Variants in WWOX observed in about 807,000 individuals in gnomAD.
WWOX encodes WW domain containing oxidoreductase, also known as WW domain-containing oxidoreductase.
A neutral mutation model predicts 46.2 loss-of-function variants in WWOX; 69 were observed. The observed-to-expected ratio is 1.49, with a 90% CI of 1.23 to 1.82. The LOEUF (loss-of-function observed/expected upper bound fraction) is 1.82. Among genes scored for constraint, WWOX ranks in the 40% most tolerant of loss-of-function variants. The pLI, the probability that WWOX is intolerant of heterozygous loss-of-function variation, is 0.00. For synonymous variants in WWOX, 359 were observed against 202.6 expected (o/e 1.77, Z -6.56); for missense variants, 919 against 542.6 (o/e 1.69, Z -6.89).
intron 8 of WWOX, among the ~76,000 whole-genome samples, chr16:78,996,686 CA>C (rs2046996616): frequency 6.6e-6 from 1 of 152,092 alleles, no homozygotes; most frequent in African/African-American, 2.4e-5. Context: ...GACAATATGG[CA>C]AATATGGCCA....
rs10598848 is a variant in WWOX at position 79,099,593 on chromosome 16, TGAGAGA to T, written c.1057-111994_1057-111989del. 7.5e-4 allele frequency among the ~76,000 whole-genome samples: 112 copies of T among 148,838 alleles called. 1 individual carries two copies. Among genetic ancestry groups the T allele is most frequent in the East Asian group, 3.7e-3 (19 of 5,072 alleles). ...GTGTGCGTGTGTGTGTGTGTGTTTG[TGAGAGA>T]GAGAGAGAGAGAGAGAGAGAAATCT... On this transcript the variant is annotated intron_variant, in intron 8 of 8. Transcript: ENST00000566780.
At chr16:78,921,463 T>C (rs1390621497) in intron 8 of WWOX, among the ~76,000 whole-genome samples, 2 of 152,174 alleles carry the variant, frequency 1.3e-5, no homozygotes, top group Admixed American at 6.6e-5. Context: ...TAACAACAGC[T>C]CTTAATATCC....
At chr16:79,070,514 G>C (rs149830845) in intron 8 of WWOX, among the ~76,000 whole-genome samples, 134 of 152,272 alleles carry the variant, frequency 8.8e-4, no homozygotes, top group African/African-American at 2.9e-3. Flanking sequence ...TGGAGCGTCT[G>C]CCTTCTATCA....
intron 8 of WWOX, among the ~76,000 whole-genome samples, chr16:78,675,516 A>G (rs1483197959): frequency 6.6e-6 from 1 of 152,174 alleles, no homozygotes; most frequent in Non-Finnish European, 1.5e-5. Context: ...CTAGTGACTC[A>G]TTTAACCATT....
intron 8 of WWOX, among the ~76,000 whole-genome samples, chr16:78,789,211 C>T (rs1392693195): frequency 6.6e-6 from 1 of 152,122 alleles, no homozygotes; most frequent in Admixed American, 6.5e-5. Flanking sequence ...AGAAGGGAAA[C>T]ATGGTTTCAG....
At chr16:78,472,108 G>T (rs16947624) in intron 8 of WWOX, among the ~76,000 whole-genome samples, 50,715 of 151,932 alleles carry the variant, frequency 0.33, 11,406 homozygotes, top group African/African-American at 0.65. Context: ...AGAGAGTTGA[G>T]GAAAGCTCAA....
chr16:78,564,990 A>G (rs978757914), intron 8 of WWOX, among the ~76,000 whole-genome samples: 8 of 152,212 alleles, frequency 5.3e-5, no homozygotes, highest in African/African-American at 1.9e-4. Context: ...ATCAAAGGAT[A>G]CACTACACAA....
chr16:78,904,414 T>C (rs1179118994), intron 8 of WWOX, among the ~76,000 whole-genome samples: 2 of 151,876 alleles, frequency 1.3e-5, no homozygotes, highest in African/African-American at 4.8e-5. Flanking sequence ...AATTTTTGTA[T>C]TTTTAGTAGA....
rs557453880 is a variant in WWOX, at chr16:78,398,942, G to C, written c.605+11994G>C. ...TTTACTGCCTTCTAGTACAAGGAAG[G>C]GGATGGGTGGCTGGCTGGCTAGGTG... On this transcript the variant is annotated intron_variant, in intron 6 of 8. Coordinates refer to ENST00000566780, the MANE Select transcript of WWOX (RefSeq NM_016373.4). 3.9e-5 allele frequency among the ~76,000 whole-genome samples: 6 copies of C among 152,344 alleles called. No homozygotes were observed. In the South Asian group the frequency reaches 8.3e-4, roughly 21 times the overall value.
chr16:79,064,990 T>A (rs1440182295), intron 8 of WWOX, among the ~76,000 whole-genome samples: 1 of 152,168 alleles, frequency 6.6e-6, no homozygotes, highest in African/African-American at 2.4e-5. Flanking sequence ...CCTGTGTGTG[T>A]GCGAAGGGTG....
chr16:78,748,763 T>C (rs1291397701), intron 8 of WWOX, among the ~76,000 whole-genome samples: 1 of 152,222 alleles, frequency 6.6e-6, no homozygotes, highest in African/African-American at 2.4e-5. Context: ...ATTACACTGC[T>C]CGGTGATATT....
intron 8 of WWOX, among the ~76,000 whole-genome samples, chr16:78,990,201 AAG>A (rs201589748): frequency 2.0e-5 from 3 of 150,154 alleles, no homozygotes; most frequent in Non-Finnish European, 4.4e-5. Flanking sequence ...AAAAAAAAAA[AAG>A]AGAGAGAGGT....
chr16:79,090,280 C>CGTGTGTGTGT lies in WWOX; in HGVS notation c.1057-121298_1057-121289dup, dbSNP rs61538157. Among the ~76,000 whole-genome samples the CGTGTGTGTGT allele has an allele frequency of 1.8e-3, 245 of 138,376 alleles. 3 individuals are homozygous for CGTGTGTGTGT. The highest frequency in any genetic ancestry group is 3.8e-3 in the African/African-American group (144 of 37,498). 90.8% of individuals were successfully genotyped at this position (138,376 alleles called of 152,430 possible). On this transcript the variant is annotated intron_variant, in intron 8 of 8. Transcript: ENST00000566780. ...CCATCCTGACAGATTCTACTGTGTG[C>CGTGTGTGTGT]GTGTGTGTGTGTGTGTGTGTGTGTG... is the stretch of plus-strand genomic sequence containing the variant.
intron 8 of WWOX, among the ~76,000 whole-genome samples, chr16:78,686,974 A>G (rs1597445633): frequency 6.6e-6 from 1 of 152,358 alleles, no homozygotes; most frequent in African/African-American, 2.4e-5. Flanking sequence ...TAAGTGGAAC[A>G]TCACGATCTA....
intron 8 of WWOX, among the ~76,000 whole-genome samples, chr16:79,186,186 CAT>C (rs1483102579): frequency 6.6e-5 from 10 of 152,138 alleles, no homozygotes; most frequent in African/African-American, 2.4e-4. Flanking sequence ...TGAGAAGAGA[CAT>C]GAGCCAGATG....
At chr16:78,216,595 C>T (rs992346606) in intron 5 of WWOX, among the ~76,000 whole-genome samples, 2 of 152,046 alleles carry the variant, frequency 1.3e-5, no homozygotes, top group African/African-American at 4.8e-5. Flanking sequence ...TTTTCAAAGC[C>T]AGCAAGATTG....
At chr16:79,127,046 A>C (rs1257639457) in intron 8 of WWOX, among the ~76,000 whole-genome samples, 1 of 152,090 alleles carries the variant, frequency 6.6e-6, no homozygotes, top group Non-Finnish European at 1.5e-5. Context: ...AATTAGGATT[A>C]AAAAATGTAC....
intron 8 of WWOX, among the ~76,000 whole-genome samples, chr16:78,585,955 T>C (rs2095275086): frequency 6.6e-6 from 1 of 152,070 alleles, no homozygotes; most frequent in African/African-American, 2.4e-5. Flanking sequence ...CCAGCAGTTT[T>C]GGAGGCCGAG....
rs1289894893 is a variant in WWOX at position 78,563,525 on chromosome 16, TTTTTTTTC to T, written c.1056+130781_1056+130788del. Among the ~76,000 whole-genome samples, 321 of 151,368 alleles carry T rather than the reference TTTTTTTTC, an allele frequency of 2.1e-3. 1 individual carries two copies. The highest frequency in any genetic ancestry group is 7.3e-3 in the African/African-American group (302 of 41,172). On this transcript the variant is annotated intron_variant, in intron 8 of 8. Transcript: ENST00000566780. Reference sequence around the variant, plus strand: ...CACACACACACACACACGCTTTTTTTTTTTTTTCTTTTTTTTTTTCTCCTATTGCAATA... The same window carrying T: ...CACACACACACACACACGCTTTTTTTTTTTTTTTTTTCTCCTATTGCAATA...
Sources: gnomAD v4.1 joint callset for allele counts (sites outside exome capture counted in the v4.1 genomes callset) on GRCh38, gnomAD v4.1.1 for gene constraint, MANE v1.5 for transcripts, NCBI Gene and HGNC (gene_info 2026-07-23, HGNC 2026-07-21) for gene names.